Variants in SLC8B1 observed in about 807,000 individuals in gnomAD.
The protein encoded by SLC8B1 is mitochondrial sodium/calcium exchanger protein.
Under a neutral mutation model 63.4 loss-of-function variants are expected in SLC8B1, and 52 were observed. The ratio of observed to expected loss-of-function variants is 0.82; its 90% CI spans 0.66 to 1.03. The LOEUF (loss-of-function observed/expected upper bound fraction) is 1.03. Among genes scored for constraint, SLC8B1 ranks in the 50% least tolerant of loss-of-function variants. The probability of loss-of-function intolerance (pLI) is 0.00; values close to 1 mark genes in which losing one functional copy is unlikely to be tolerated. For synonymous variants in SLC8B1, 336 were observed against 323.9 expected (o/e 1.04, Z -0.40); for missense variants, 657 against 741.7 (o/e 0.89, Z 1.33).
In SLC8B1 at chr12:113,310,346, T is replaced by A. The variant is rs1163744979; in HGVS notation, c.1145A>T (p.Tyr382Phe). The change falls in exon 12 of 16, where the codon TAT (tyrosine) becomes TTT (phenylalanine). Residue 382 changes from tyrosine (Y) to phenylalanine (F), a missense_variant. Tyr to Phe is a conservative substitution (Grantham distance 22, BLOSUM62 3). Transcript: ENST00000680972. ...GACGGGAACGAGGCCGCCTATCTCA[T>A]AGACACCATCTGCAAAGGGAGAGAA... ...LTLQSGTYGV[Y>F]EIGGLVPVWV... 6.2e-7 allele frequency: 1 copy of A among 1,613,412 alleles called. No homozygotes were observed. The highest frequency in any genetic ancestry group is 1.7e-5 in the Admixed American group (1 of 59,718).
chr12:113,302,390 C>T (rs1002506501), intron 15 of SLC8B1: 1 of 282,192 alleles, frequency 3.5e-6, no homozygotes. Context: ...CGGCTGATGC[C>T]CTGATTGCAG....
At chr12:113,319,467 C>G (rs1956889057) in intron 7 of SLC8B1, 1 of 203,918 alleles carries the variant, frequency 4.9e-6, no homozygotes, top group South Asian at 7.0e-5. Flanking sequence ...TCTTCCTACT[C>G]CCTCCCTGTT....
rs1000170698 is a variant in SLC8B1 at position 113,298,814 on chromosome 12, A to T, written c.*963T>A. 14 of 152,352 alleles carry T rather than the reference A, an allele frequency of 9.2e-5. No homozygotes were observed. Among genetic ancestry groups the T allele is most frequent in the African/African-American group, 3.4e-4 (14 of 41,560 alleles). The allele number at this position is 152,352 out of a possible 1,614,324, so 9.4% of individuals were successfully genotyped here. ...TTTTATTTGGAAAAGAGACAGTTGA[A>T]TCCCTTTTCTTTACCAGCATAAGGC... On this transcript the variant is annotated 3_prime_UTR_variant, in exon 16 of 16. Transcript: ENST00000680972.
rs147264156 is a variant in SLC8B1, at chr12:113,334,151, C to T, written c.-83+292G>A. On this transcript the variant is annotated intron_variant, in intron 1 of 15. Coordinates refer to ENST00000680972, the MANE Select transcript of SLC8B1 (RefSeq NM_001358345.2). ...GCAGTGGGGCCGGGCTGGTCACCAC[C>T]ATGTGCCTCTTCCCTCAAGACCAGG... is the stretch of plus-strand genomic sequence containing the variant. Among the ~76,000 whole-genome samples, 650 of 152,316 alleles carry T rather than the reference C, an allele frequency of 4.3e-3. 3 individuals are homozygous for T. The highest frequency in any genetic ancestry group is 0.014 in the African/African-American group (590 of 41,558).
chr12:113,316,236 A>G (rs1379044227), intron 10 of SLC8B1, among the ~76,000 whole-genome samples: 5 of 152,208 alleles, frequency 3.3e-5, no homozygotes, highest in Non-Finnish European at 1.5e-5. Context: ...AAAAAAAAAA[A>G]AAAGATCTTT....
intron 7 of SLC8B1, chr12:113,319,372 G>T: frequency 3.3e-6 from 1 of 303,190 alleles, no homozygotes; most frequent in Non-Finnish European, 6.4e-6. Context: ...GGAGGAGGCA[G>T]CCCTGTAGCT....
intron 8 of SLC8B1, 118 bp from the exon 9 acceptor site, chr12:113,317,119 G>A: frequency 1.1e-6 from 1 of 876,692 alleles, no homozygotes; most frequent in Admixed American, 2.1e-5. Context: ...TAGTTATTTG[G>A]GACAGGATCT....
At chr12:113,300,037 G>C in intron 15 of SLC8B1, 63 bp from the exon 16 acceptor site, 1 of 1,484,756 alleles carries the variant, frequency 6.7e-7, no homozygotes, top group Non-Finnish European at 9.3e-7. Flanking sequence ...CCCCGTCTGT[G>C]GCCAACACAA....
intron 12 of SLC8B1, among the ~76,000 whole-genome samples, chr12:113,309,101 C>T (rs1301560759): frequency 1.3e-5 from 2 of 152,078 alleles, no homozygotes; most frequent in African/African-American, 2.4e-5. Context: ...GTGATCCACC[C>T]GTCTCGGCCT....
intron 15 of SLC8B1, among the ~76,000 whole-genome samples, chr12:113,303,644 G>T (rs905715039): frequency 3.3e-5 from 5 of 151,992 alleles, no homozygotes; most frequent in Non-Finnish European, 7.4e-5. Flanking sequence ...GCAGATTTTC[G>T]AATAGAAAAA....
intron 15 of SLC8B1, among the ~76,000 whole-genome samples, chr12:113,303,346 TG>T: frequency 6.6e-6 from 1 of 152,262 alleles, no homozygotes; most frequent in South Asian, 2.1e-4. Context: ...GCATGGCCAG[TG>T]TGAAAGAAAC....
chr12:113,328,896 C>G (rs1272817390), intron 2 of SLC8B1, among the ~76,000 whole-genome samples: 1 of 152,012 alleles, frequency 6.6e-6, no homozygotes, highest in Non-Finnish European at 1.5e-5. Context: ...GGATTGCAGA[C>G]GTCCACCACC....
At chr12:113,327,517 T>A (rs1349639976) in intron 2 of SLC8B1, among the ~76,000 whole-genome samples, 1 of 151,834 alleles carries the variant, frequency 6.6e-6, no homozygotes, top group Non-Finnish European at 1.5e-5. Flanking sequence ...AAACTCCATC[T>A]CCACTAAAAA....
chr12:113,311,823 C>T (rs1956766422), intron 11 of SLC8B1, among the ~76,000 whole-genome samples: 1 of 150,960 alleles, frequency 6.6e-6, no homozygotes, highest in African/African-American at 2.4e-5. Flanking sequence ...CCCACCTCAG[C>T]TTCCTGAGTA....
chr12:113,306,671 A>G (rs1361643673), intron 13 of SLC8B1, 96 bp from the exon 14 acceptor site: 1 of 1,014,774 alleles, frequency 9.9e-7, no homozygotes, highest in East Asian at 2.6e-5. Flanking sequence ...CATTCAGGCA[A>G]CAAACACAGA....
chr12:113,310,093 A>G, intron 12 of SLC8B1, 141 bp downstream of exon 12: 1 of 1,131,324 alleles, frequency 8.8e-7, no homozygotes, highest in East Asian at 2.6e-5. Flanking sequence ...CACTCTCAAA[A>G]GCAGCTTTAA....
chr12:113,314,002 C>T (rs111234606), intron 11 of SLC8B1, among the ~76,000 whole-genome samples: 9,451 of 151,888 alleles, frequency 0.062, 332 homozygotes, highest in Middle Eastern at 0.068. Flanking sequence ...AGTCAGACTA[C>T]GTCTCAAAAT....
intron 2 of SLC8B1, among the ~76,000 whole-genome samples, chr12:113,323,010 A>G (rs1956952237): frequency 6.6e-6 from 1 of 152,186 alleles, no homozygotes; most frequent in African/African-American, 2.4e-5. Context: ...ATAGCTGCCA[A>G]CGAAGGCTGG....
At chr12:113,300,315 C>G (rs1008632601) in intron 15 of SLC8B1, among the ~76,000 whole-genome samples, 1 of 152,068 alleles carries the variant, frequency 6.6e-6, no homozygotes, top group Non-Finnish European at 1.5e-5. Context: ...CTGGCCAATA[C>G]AGTGAAACCC....
Sources: allele counts gnomAD v4.1 joint callset (sites outside exome capture counted in the v4.1 genomes callset), GRCh38; gene constraint gnomAD v4.1.1; transcripts MANE v1.5; gene names NCBI Gene and HGNC (gene_info 2026-07-23, HGNC 2026-07-21).